Variants in CPS1 observed in about 807,000 individuals in gnomAD.
CPS1 encodes carbamoyl-phosphate synthase [ammonia], mitochondrial.
A neutral mutation model predicts 174.6 loss-of-function variants in CPS1; 109 were observed. The ratio of observed to expected loss-of-function variants is 0.62; its 90% CI spans 0.53 to 0.73. CPS1 has a LOEUF of 0.73. Among genes scored for constraint, CPS1 ranks in the 30% least tolerant of loss-of-function variants. The pLI is 0.00. For missense variants in CPS1, 1,689 were observed against 1,821.9 expected, an observed-to-expected ratio of 0.93 and a Z score of 1.33; for synonymous variants, 637 against 632.0, an observed-to-expected ratio of 1.01 and a Z score of -0.12.
At chr2:210,658,521 G>T in intron 30 of CPS1, 78 bp from the exon 31 acceptor site, 1 of 1,051,296 alleles carries the variant, frequency 9.5e-7, no homozygotes. Flanking sequence ...CAAATTTAAG[G>T]TACTGTGCCT....
intron 1 of CPS1, among the ~76,000 whole-genome samples, chr2:210,486,115 TACACACACAC>T (rs60740361): frequency 0.014 from 1,955 of 135,632 alleles, 23 homozygotes; most frequent in East Asian, 0.019. Flanking sequence ...CACACACACA[TACACACACAC>T]ACACACACAC....
Position 210,506,096 on chromosome 2 carries a change from G to C in CPS1, c.3+28330G>C, listed in dbSNP as rs182595095. Among the ~76,000 whole-genome samples, 239 of 152,234 alleles carry C rather than the reference G, an allele frequency of 1.6e-3. 1 individual carries two copies. Among genetic ancestry groups the C allele is most frequent in the Non-Finnish European group, 2.7e-3 (186 of 68,014 alleles). ...ATGGACAGACTGCCTCCTCAAGTGGGTGCTGACCCCCGAATAGCCTAACTG... is the reference window on the plus strand; with the variant it reads ...ATGGACAGACTGCCTCCTCAAGTGGCTGCTGACCCCCGAATAGCCTAACTG... On this transcript the variant is annotated intron_variant, in intron 1 of 38. Transcript: ENST00000430249.
chr2:210,576,330 TG>T lies in CPS1; in HGVS notation c.237-14del, dbSNP rs1263739434. 5 of 1,613,328 alleles carry T rather than the reference TG, an allele frequency of 3.1e-6. No homozygotes were observed. In the African/African-American group the frequency reaches 6.7e-5, roughly 22 times the overall value. ...CATACATTATTTGCTGATAATTTTTTGGCATGTTTACCCAGGTACCCAGAAG... is the reference window on the plus strand; with the variant it reads ...CATACATTATTTGCTGATAATTTTTTGCATGTTTACCCAGGTACCCAGAAG... On this transcript the variant is annotated splice_polypyrimidine_tract_variant and intron_variant, in intron 2 of 37. Coordinates refer to ENST00000233072, the MANE Select transcript of CPS1 (RefSeq NM_001875.5).
At position 210,573,377 on chromosome 2, in the gene CPS1, G is replaced by T. The variant is rs777083560; in HGVS notation, c.206G>T (p.Gly69Val). 2 of 1,613,124 alleles carry T rather than the reference G, an allele frequency of 1.2e-6. No homozygotes were observed. The highest frequency in any genetic ancestry group is 1.7e-6 in the Non-Finnish European group (2 of 1,179,240). ...YSFGHPSSVAGEVVFNTGLGG... is the reference protein window; with the variant it reads ...YSFGHPSSVAVEVVFNTGLGG... The stretch of plus-strand genomic sequence containing the variant: ...TTTGGCCATCCATCCTCTGTTGCTG[G>T]TGAAGTGGTTTTTAATACTGGCCTG... Residue 69 changes from glycine (G) to valine (V), a missense_variant, in exon 2 of 38, where the codon GGT becomes GTT. Coordinates refer to ENST00000233072, the MANE Select transcript of CPS1 (RefSeq NM_001875.5).
At chr2:210,618,041 G>A (rs1699370574) in intron 21 of CPS1, 1 of 151,936 alleles carries the variant, frequency 6.6e-6, no homozygotes, top group Non-Finnish European at 1.5e-5. Flanking sequence ...CTGATTTTTG[G>A]ACAAATTCAA....
At chr2:210,533,180 G>C (rs967360554) in intron 1 of CPS1, among the ~76,000 whole-genome samples, 7 of 152,192 alleles carry the variant, frequency 4.6e-5, no homozygotes, top group African/African-American at 1.7e-4. Flanking sequence ...TGGATGAGTC[G>C]TCTGGACTCA....
intron 1 of CPS1, among the ~76,000 whole-genome samples, chr2:210,561,747 T>C (rs1338258152): frequency 6.6e-6 from 1 of 152,238 alleles, no homozygotes. Context: ...GCCCTAGGGA[T>C]CTTTAGCTTC....
chr2:210,517,971 C>T (rs539821557), intron 1 of CPS1, among the ~76,000 whole-genome samples: 3 of 152,050 alleles, frequency 2.0e-5, no homozygotes, highest in Admixed American at 2.0e-4. Flanking sequence ...ATCTATGTGA[C>T]TGAAATTTGT....
rs1222232090 is a variant in CPS1 at position 210,513,001 on chromosome 2, GAT to G, written c.3+35246_3+35247del. 7.3e-4 allele frequency among the ~76,000 whole-genome samples: 17 copies of G among 23,284 alleles called. 1 individual carries two copies. The highest frequency in any genetic ancestry group is 1.7e-3 in the East Asian group (2 of 1,182). 15.3% of individuals were successfully genotyped at this position (23,284 alleles called of 152,430 possible). On this transcript the variant is annotated intron_variant, in intron 1 of 38. Coordinates refer to the CPS1 transcript ENST00000430249. ...ATATATGGAGAGATATATATATGGA[GAT>G]ATATATATATCTATATATCTATATA...
chr2:210,585,609 A>G, intron 6 of CPS1, among the ~76,000 whole-genome samples: 1 of 151,976 alleles, frequency 6.6e-6, no homozygotes. Flanking sequence ...GGCTTGGTCT[A>G]GTGTCTGTCT....
intron 28 of CPS1, among the ~76,000 whole-genome samples, chr2:210,651,909 T>C (rs1700571512): frequency 6.6e-6 from 1 of 152,224 alleles, no homozygotes; most frequent in Non-Finnish European, 1.5e-5. Flanking sequence ...ATATGGTCTC[T>C]ACTGTCACAT....
At chr2:210,658,916 T>G (rs1197236180) in intron 31 of CPS1, among the ~76,000 whole-genome samples, 1 of 152,164 alleles carries the variant, frequency 6.6e-6, no homozygotes, top group African/African-American at 2.4e-5. Context: ...TAAAGCACAC[T>G]GATCCACTGG....
chr2:210,668,034 C>T, intron 33 of CPS1, 152 bp from the exon 34 acceptor site: 2 of 643,430 alleles, frequency 3.1e-6, no homozygotes, highest in Non-Finnish European at 2.8e-6. Flanking sequence ...ATAAAATCTA[C>T]AGAAGGAGTC....
chr2:210,678,314 T>G lies in CPS1; in HGVS notation c.*329T>G. ...GTGATCAAGGTAGGAAAAGTTGCTGTTCTATTTTCTGAACTCTTTCTATAC... is the reference window on the plus strand; with the variant it reads ...GTGATCAAGGTAGGAAAAGTTGCTGGTCTATTTTCTGAACTCTTTCTATAC... On this transcript the variant is annotated 3_prime_UTR_variant, in exon 38 of 38. Transcript: ENST00000233072. 1 of 381,418 alleles carries G rather than the reference T, an allele frequency of 2.6e-6. No homozygotes were observed. Among genetic ancestry groups the G allele is most frequent in the South Asian group, 2.3e-5 (1 of 42,702 alleles). 23.6% of individuals were successfully genotyped at this position (381,418 alleles called of 1,614,324 possible).
intron 1 of CPS1, among the ~76,000 whole-genome samples, chr2:210,512,126 C>A (rs2105976224): frequency 6.6e-6 from 1 of 152,144 alleles, no homozygotes; most frequent in African/African-American, 2.4e-5. Flanking sequence ...AAACCAGCTG[C>A]ATTGTTTCTA....
At chr2:210,604,278 T>C (rs1297151340) in intron 16 of CPS1, among the ~76,000 whole-genome samples, 1 of 151,896 alleles carries the variant, frequency 6.6e-6, no homozygotes, top group Non-Finnish European at 1.5e-5. Flanking sequence ...TTTTAATGCC[T>C]ATTAATAATT....
chr2:210,573,062 A>G (rs1014018112), intron 1 of CPS1, among the ~76,000 whole-genome samples: 2 of 152,076 alleles, frequency 1.3e-5, no homozygotes, highest in African/African-American at 4.8e-5. Context: ...TAGACAATGT[A>G]TCTGCATGCT....
chr2:210,642,215 A>G (rs1310701002), intron 24 of CPS1, among the ~76,000 whole-genome samples: 1 of 152,222 alleles, frequency 6.6e-6, no homozygotes, highest in Admixed American at 6.5e-5. Context: ...TTGAAGTTCT[A>G]AATACTTCAA....
chr2:210,605,913 AG>A, intron 17 of CPS1, among the ~76,000 whole-genome samples: 1 of 151,946 alleles, frequency 6.6e-6, no homozygotes, highest in East Asian at 2.0e-4. Flanking sequence ...TTAGATTTAT[AG>A]GGCAGGGGAA....
Sources: allele counts gnomAD v4.1 joint callset (sites outside exome capture counted in the v4.1 genomes callset), GRCh38; gene constraint gnomAD v4.1.1; transcripts MANE v1.5; gene names NCBI Gene and HGNC (gene_info 2026-07-23, HGNC 2026-07-21).